Variants in TF observed in about 807,000 individuals in gnomAD.
TF encodes the protein serotransferrin.
Under a neutral mutation model 82.4 loss-of-function variants are expected in TF, and 55 were observed. The ratio of observed to expected loss-of-function variants is 0.67; its 90% CI spans 0.54 to 0.84. The LOEUF is 0.84. TF is among the 40% of genes least tolerant of loss of function. TF has a pLI of 0.00. For missense variants in TF, 737 were observed against 868.4 expected (o/e 0.85, Z 1.90); for synonymous variants, 332 against 332.6 (o/e 1.00, Z 0.02).
rs1934864088 is a variant in TF at position 133,792,432 on chromosome 3, CT to C, written c.*13814del. The C allele has an allele frequency of 6.6e-6, 1 of 152,206 alleles. No individual in the cohort carries two copies. The highest frequency in any genetic ancestry group is 1.5e-5 in the Non-Finnish European group (1 of 68,026). 9.4% of individuals were successfully genotyped at this position (152,206 alleles called of 1,614,324 possible). Reference sequence around the variant, plus strand: ...TGCTTCATAAAATGCCACTATGACTCTTAACTCTACAACTTGCCTGCTTTAC... The same window carrying C: ...TGCTTCATAAAATGCCACTATGACTCTAACTCTACAACTTGCCTGCTTTAC... On this transcript the variant is annotated 3_prime_UTR_variant, in exon 17 of 17. Transcript: ENST00000402696.
At chr3:133,766,033 A>AG (rs1171890563) in intron 11 of TF, among the ~76,000 whole-genome samples, 1 of 152,218 alleles carries the variant, frequency 6.6e-6, no homozygotes, top group Non-Finnish European at 1.5e-5. Context: ...CACTTAGGGA[A>AG]GGGTTATACA....
At chr3:133,775,150 G>C in intron 14 of TF, 1 of 493,190 alleles carries the variant, frequency 2.0e-6, no homozygotes, top group Non-Finnish European at 3.7e-6. Context: ...TGGAATTGAA[G>C]ATCTTTTTGA....
chr3:133,675,890 T>C, the TF span, among the ~76,000 whole-genome samples: 1 of 152,174 alleles, frequency 6.6e-6, no homozygotes, highest in Non-Finnish European at 1.5e-5. Context: ...AAGTATTTAC[T>C]CTTTAGCCCG....
chr3:133,762,798 A>G (rs1364343680), intron 9 of TF, among the ~76,000 whole-genome samples: 1 of 152,222 alleles, frequency 6.6e-6, no homozygotes, highest in Non-Finnish European at 1.5e-5. Context: ...AATTTAATAC[A>G]CATTACCAGG....
chr3:133,675,072 C>G, the TF span, among the ~76,000 whole-genome samples: 1 of 151,816 alleles, frequency 6.6e-6, no homozygotes, highest in African/African-American at 2.4e-5. Flanking sequence ...TGATGAAACC[C>G]CGTCTCTACT....
chr3:133,687,377 G>A, the TF span, among the ~76,000 whole-genome samples: 2 of 151,976 alleles, frequency 1.3e-5, no homozygotes, highest in African/African-American at 4.8e-5. Flanking sequence ...AAATCACTAG[G>A]CCCTACCTAC....
In TF at chr3:133,768,202, C is replaced by T. The variant is rs567262652; in HGVS notation, c.1622+38C>T. On this transcript the variant is annotated intron_variant, in intron 13 of 16. Coordinates refer to ENST00000402696, the MANE Select transcript of TF (RefSeq NM_001063.4). ...ACCCTGAAACAAATAGAATAATATACAAGCCCTGGCCAGATTTCTTTTAGG... is the reference window on the plus strand; with the variant it reads ...ACCCTGAAACAAATAGAATAATATATAAGCCCTGGCCAGATTTCTTTTAGG... 22 of 1,612,906 alleles carry T rather than the reference C, an allele frequency of 1.4e-5. 3 individuals carry two copies. The African/African-American group carries it at 2.7e-4, about 20-fold the overall frequency.
intron 14 of TF, chr3:133,774,204 A>G (rs1203415043): frequency 6.6e-6 from 1 of 152,236 alleles, no homozygotes; most frequent in Non-Finnish European, 1.5e-5. Flanking sequence ...TCATAGATAA[A>G]TGAATAAAAT....
chr3:133,707,118 T>TCCACA, the TF span, among the ~76,000 whole-genome samples: 1 of 151,696 alleles, frequency 6.6e-6, no homozygotes, highest in Non-Finnish European at 1.5e-5. Context: ...GATGGTTTAG[T>TCCACA]CACCAGCAGA....
chr3:133,697,502 G>A, the TF span, among the ~76,000 whole-genome samples: 480 of 152,282 alleles, frequency 3.2e-3, 4 homozygotes, highest in African/African-American at 0.011. Context: ...TTATGGAAAC[G>A]ACAGATTGTC....
chr3:133,759,474 C>G (rs899047164), intron 9 of TF, 145 bp downstream of exon 9: 2 of 987,818 alleles, frequency 2.0e-6, no homozygotes, highest in South Asian at 1.3e-5. Flanking sequence ...ACAGCCCCAC[C>G]GGAGGTTCAG....
the TF span, among the ~76,000 whole-genome samples, chr3:133,740,957 G>A: frequency 7.0e-4 from 67 of 95,704 alleles, no homozygotes; most frequent in African/African-American, 2.5e-3. Context: ...AATTGACTTT[G>A]GTGTGTTTAC....
the TF span, among the ~76,000 whole-genome samples, chr3:133,692,170 C>T: frequency 5.9e-5 from 9 of 152,244 alleles, no homozygotes; most frequent in Admixed American, 1.3e-4. Flanking sequence ...GACCTGACTG[C>T]GTCTTCCTTG....
upstream of TF, among the ~76,000 whole-genome samples, chr3:133,744,240 C>T (rs957516232): frequency 6.6e-6 from 1 of 152,188 alleles, no homozygotes; most frequent in Admixed American, 6.5e-5. Context: ...CTGGCCTCAG[C>T]GGGGCTTAGT....
upstream of TF, among the ~76,000 whole-genome samples, chr3:133,743,327 T>C (rs917376573): frequency 3.3e-5 from 5 of 152,202 alleles, no homozygotes; most frequent in African/African-American, 1.2e-4. Flanking sequence ...GGATCTGCAG[T>C]TGGTACTCAG....
intron 3 of TF, 90 bp downstream of exon 3, chr3:133,753,793 A>G (rs1933743136): frequency 9.6e-7 from 1 of 1,042,102 alleles, no homozygotes; most frequent in African/African-American, 1.6e-5. Context: ...TGGATATCAG[A>G]TATAATGAAC....
intron 2 of TF, among the ~76,000 whole-genome samples, chr3:133,750,754 C>T (rs1003453885): frequency 1.3e-5 from 2 of 151,966 alleles, no homozygotes; most frequent in Non-Finnish European, 2.9e-5. Context: ...GCAAAGCTCT[C>T]GTTTGTTTGC....
the TF span, among the ~76,000 whole-genome samples, chr3:133,732,992 T>G: frequency 6.6e-6 from 1 of 152,194 alleles, no homozygotes; most frequent in South Asian, 2.1e-4. Context: ...GATCTTCTCT[T>G]GTCCTAATTC....
chr3:133,678,054 C>T, the TF span, among the ~76,000 whole-genome samples: 1 of 152,104 alleles, frequency 6.6e-6, no homozygotes, highest in South Asian at 2.1e-4. Flanking sequence ...TCTTCCCCTC[C>T]CTGTGTCCAT....
Sources: allele counts gnomAD v4.1 joint callset (sites outside exome capture counted in the v4.1 genomes callset), GRCh38; gene constraint gnomAD v4.1.1; transcripts MANE v1.5; gene names NCBI Gene and HGNC (gene_info 2026-07-23, HGNC 2026-07-21).